The following SAMD3 variants were observed in gnomAD, a reference collection of about 807,000 sequenced individuals.
SAMD3 encodes the protein sterile alpha motif domain-containing protein 3.
Under a neutral mutation model 58.5 loss-of-function variants are expected in SAMD3, and 63 were observed. The observed-to-expected ratio is 1.08, with a 90% CI of 0.88 to 1.33. SAMD3 has a LOEUF of 1.33. Among genes scored for constraint, SAMD3 ranks in the 40% most tolerant of loss-of-function variants. SAMD3 has a pLI of 0.00. For synonymous variants in SAMD3, 220 were observed against 210.3 expected (o/e 1.05, Z -0.40); for missense variants, 604 against 608.4 (o/e 0.99, Z 0.08).
chr6:130,351,639 C>G (rs1777669785), intron 1 of SAMD3, among the ~76,000 whole-genome samples: 1 of 152,090 alleles, frequency 6.6e-6, no homozygotes, highest in Non-Finnish European at 1.5e-5. Flanking sequence ...GGACTGTGAA[C>G]TAGTTCACCC....
chr6:130,178,029 C>T (rs1219435229), intron 7 of SAMD3, among the ~76,000 whole-genome samples: 2 of 151,904 alleles, frequency 1.3e-5, no homozygotes, highest in African/African-American at 2.4e-5. Context: ...GGCTGGAGTG[C>T]AATGGCGCAA....
intron 7 of SAMD3, among the ~76,000 whole-genome samples, chr6:130,180,716 T>A (rs1792229245): frequency 2.0e-5 from 3 of 152,128 alleles, no homozygotes; most frequent in Admixed American, 2.0e-4. Flanking sequence ...ACATGTCTGG[T>A]TGTTACAACT....
At chr6:130,350,389 T>C (rs1028368447) in intron 1 of SAMD3, among the ~76,000 whole-genome samples, 1 of 152,056 alleles carries the variant, frequency 6.6e-6, no homozygotes, top group African/African-American at 2.4e-5. Context: ...GGATACAAAA[T>C]CAATGTGCAA....
At chr6:130,260,027 T>C (rs1291231002) in intron 2 of SAMD3, among the ~76,000 whole-genome samples, 1 of 152,214 alleles carries the variant, frequency 6.6e-6, no homozygotes, top group African/African-American at 2.4e-5. Flanking sequence ...TTCTAATTAG[T>C]CTTTTGAACT....
chr6:130,281,246 A>C (rs1562497171), intron 2 of SAMD3, among the ~76,000 whole-genome samples: 2 of 152,226 alleles, frequency 1.3e-5, no homozygotes, highest in East Asian at 3.8e-4. Context: ...ACTACTGGTT[A>C]GTGTGATTGA....
intron 2 of SAMD3, among the ~76,000 whole-genome samples, chr6:130,306,576 C>T (rs954292547): frequency 6.6e-6 from 1 of 152,124 alleles, no homozygotes; most frequent in Non-Finnish European, 1.5e-5. Flanking sequence ...AAACAAATTG[C>T]TTCTATTCCA....
intron 5 of SAMD3, among the ~76,000 whole-genome samples, chr6:130,188,920 G>A (rs999215431): frequency 1.3e-5 from 2 of 151,728 alleles, no homozygotes; most frequent in Non-Finnish European, 2.9e-5. Flanking sequence ...ATTGATTTTT[G>A]CTTTCTTCCT....
intron 1 of SAMD3, among the ~76,000 whole-genome samples, chr6:130,324,742 T>TA (rs1583107363): frequency 6.6e-6 from 1 of 151,074 alleles, no homozygotes; most frequent in East Asian, 1.9e-4. Flanking sequence ...CAGCTGAAAG[T>TA]AAAATAACAA....
At chr6:130,185,744 C>T (rs1041143077) in intron 5 of SAMD3, among the ~76,000 whole-genome samples, 2 of 151,662 alleles carry the variant, frequency 1.3e-5, no homozygotes, top group African/African-American at 4.8e-5. Flanking sequence ...AATCTTCCCA[C>T]TTCAGCCTCC....
intron 2 of SAMD3, among the ~76,000 whole-genome samples, chr6:130,285,587 G>T (rs936244428): frequency 6.6e-6 from 1 of 152,122 alleles, no homozygotes; most frequent in East Asian, 1.9e-4. Context: ...GATGAGGAGA[G>T]AAAAAACATG....
At chr6:130,318,385 G>A (rs1009331676) in intron 1 of SAMD3, among the ~76,000 whole-genome samples, 1 of 152,092 alleles carries the variant, frequency 6.6e-6, no homozygotes, top group Non-Finnish European at 1.5e-5. Flanking sequence ...CAGCACCCAA[G>A]AAGCTAAATT....
At position 130,146,084 on chromosome 6, in the gene SAMD3, GA is replaced by G; in HGVS notation, c.1120del (p.Ser374GlnfsTer15). On this transcript the variant is annotated frameshift_variant, in exon 10 of 12. Transcript: ENST00000439090. LOFTEE classifies it high-confidence loss of function. ...AATATTGATTGGATTGTCCACCACTGAAAAAGAAGTCAGTATATTTTCTGAA... is the reference window on the plus strand; with the variant it reads ...AATATTGATTGGATTGTCCACCACTGAAAAGAAGTCAGTATATTTTCTGAA... ...SYSENILTSF[S>X]VVDNPINIVL... 2 of 1,601,168 alleles carry G rather than the reference GA, an allele frequency of 1.2e-6. No homozygotes were observed. Among genetic ancestry groups the G allele is most frequent in the Non-Finnish European group, 1.7e-6 (2 of 1,173,320 alleles).
chr6:130,337,619 T>C (rs1777142021), intron 1 of SAMD3, among the ~76,000 whole-genome samples: 1 of 152,188 alleles, frequency 6.6e-6, no homozygotes, highest in South Asian at 2.1e-4. Flanking sequence ...TGGAACTTCT[T>C]AGAGACTTGT....
chr6:130,203,664 G>C (rs1005740675), intron 5 of SAMD3, among the ~76,000 whole-genome samples: 1 of 152,188 alleles, frequency 6.6e-6, no homozygotes, highest in Non-Finnish European at 1.5e-5. Context: ...GTTCCTTCAT[G>C]CAATGAACAT....
chr6:130,304,421 C>T (rs553391369), intron 2 of SAMD3, among the ~76,000 whole-genome samples: 3 of 152,248 alleles, frequency 2.0e-5, no homozygotes, highest in Non-Finnish European at 2.9e-5. Flanking sequence ...TCACCCGCCT[C>T]GGCCTCCCAA....
intron 2 of SAMD3, among the ~76,000 whole-genome samples, chr6:130,258,936 G>A (rs1774016622): frequency 6.6e-6 from 1 of 151,940 alleles, no homozygotes; most frequent in African/African-American, 2.4e-5. Context: ...AACAGGAACT[G>A]AGGAAGTGGG....
intron 5 of SAMD3, among the ~76,000 whole-genome samples, chr6:130,198,246 C>G (rs1307809145): frequency 6.6e-6 from 1 of 152,148 alleles, no homozygotes; most frequent in Admixed American, 6.6e-5. Context: ...GTCTGTTATC[C>G]AGGCAGGAGT....
chr6:130,185,437 C>T (rs1582838297), intron 5 of SAMD3, among the ~76,000 whole-genome samples: 1 of 151,732 alleles, frequency 6.6e-6, no homozygotes, highest in African/African-American at 2.4e-5. Context: ...CAAGTGACTC[C>T]CCTGCCTCAG....
intron 1 of SAMD3, among the ~76,000 whole-genome samples, chr6:130,360,581 T>C (rs4897415): frequency 0.18 from 27,077 of 152,088 alleles, 2,647 homozygotes; most frequent in East Asian, 0.36. Context: ...GGAGGCAGGG[T>C]GAGAACACAG....
Sources: allele counts gnomAD v4.1 joint callset (sites outside exome capture counted in the v4.1 genomes callset), GRCh38; gene constraint gnomAD v4.1.1; transcripts MANE v1.5; gene names NCBI Gene and HGNC (gene_info 2026-07-23, HGNC 2026-07-21).